The following PPM1L variants were observed in gnomAD, a reference collection of about 807,000 sequenced individuals.
The protein encoded by PPM1L is protein phosphatase 1L.
PPM1L carries 13 observed loss-of-function variants against 31.4 expected under a neutral mutation model. The ratio of observed to expected loss-of-function variants is 0.41; its 90% CI spans 0.27 to 0.66. The LOEUF (loss-of-function observed/expected upper bound fraction) is 0.66, where lower values mean the gene tolerates loss of function less well. PPM1L is among the 30% of genes least tolerant of loss of function. The pLI, the probability that PPM1L is intolerant of heterozygous loss-of-function variation, is 0.29. For missense variants in PPM1L, 326 were observed against 453.7 expected, an observed-to-expected ratio of 0.72 and a Z score of 2.56; for synonymous variants, 184 against 175.4, an observed-to-expected ratio of 1.05 and a Z score of -0.39.
chr3:160,874,736 A>G (rs1163375117), intron 1 of PPM1L, among the ~76,000 whole-genome samples: 3 of 151,990 alleles, frequency 2.0e-5, no homozygotes, highest in African/African-American at 4.8e-5. Flanking sequence ...AGGTGATACA[A>G]CCTCCTCCTG....
chr3:160,865,446 C>T (rs1181816187), intron 1 of PPM1L, among the ~76,000 whole-genome samples: 1 of 151,970 alleles, frequency 6.6e-6, no homozygotes, highest in Non-Finnish European at 1.5e-5. Flanking sequence ...TAGTAATTAG[C>T]CCCTTTGGGT....
intron 1 of PPM1L, among the ~76,000 whole-genome samples, chr3:160,867,555 A>G (rs1028657005): frequency 2.0e-5 from 3 of 151,636 alleles, no homozygotes; most frequent in African/African-American, 4.8e-5. Context: ...CTTTTTCCTT[A>G]TATGCTTAAA....
chr3:160,871,877 T>C (rs1286481864), intron 1 of PPM1L, among the ~76,000 whole-genome samples: 1 of 152,218 alleles, frequency 6.6e-6, no homozygotes, highest in Non-Finnish European at 1.5e-5. Context: ...GTAATTCAAG[T>C]AGCATAATTA....
intron 1 of PPM1L, among the ~76,000 whole-genome samples, chr3:160,883,635 C>G (rs1712800080): frequency 6.6e-6 from 1 of 151,886 alleles, no homozygotes; most frequent in Admixed American, 6.6e-5. Flanking sequence ...TAGGAGATGA[C>G]TTAGGTCCTT....
intron 1 of PPM1L, among the ~76,000 whole-genome samples, chr3:160,944,017 TGC>T (rs1715244309): frequency 1.3e-5 from 2 of 152,218 alleles, no homozygotes; most frequent in Non-Finnish European, 1.5e-5. Context: ...ATCTGGAACT[TGC>T]TTGTTGCAAC....
At chr3:160,806,157 T>C (rs1335425212) in intron 1 of PPM1L, among the ~76,000 whole-genome samples, 1 of 152,218 alleles carries the variant, frequency 6.6e-6, no homozygotes, top group Non-Finnish European at 1.5e-5. Context: ...GTCTGCCTTA[T>C]CTGTAGAACA....
At chr3:160,898,797 T>A (rs1470780250) in intron 1 of PPM1L, among the ~76,000 whole-genome samples, 1 of 152,214 alleles carries the variant, frequency 6.6e-6, no homozygotes, top group Non-Finnish European at 1.5e-5. Flanking sequence ...TCAGGCTCCC[T>A]GCTCAACGTT....
intron 2 of PPM1L, among the ~76,000 whole-genome samples, chr3:161,012,840 A>G: frequency 6.6e-6 from 1 of 152,064 alleles, no homozygotes; most frequent in Admixed American, 6.6e-5. Context: ...GGTATTTTGT[A>G]TTTCTGTGGG....
At chr3:160,771,083 C>T (rs1715242537) in intron 1 of PPM1L, among the ~76,000 whole-genome samples, 1 of 151,750 alleles carries the variant, frequency 6.6e-6, no homozygotes. Flanking sequence ...AAATTTATTC[C>T]AAAGAATAAA....
chr3:160,897,766 G>GCAGA (rs1267517397), intron 1 of PPM1L, among the ~76,000 whole-genome samples: 3 of 152,216 alleles, frequency 2.0e-5, no homozygotes, highest in Non-Finnish European at 4.4e-5. Flanking sequence ...CAGGGAAATA[G>GCAGA]CAGAGCTAAA....
chr3:160,942,454 C>T (rs1255919616), intron 1 of PPM1L, among the ~76,000 whole-genome samples: 1 of 152,114 alleles, frequency 6.6e-6, no homozygotes, highest in Admixed American at 6.5e-5. Flanking sequence ...TAAAAAGATA[C>T]GTGTTATTAA....
rs184226534 is a variant in PPM1L at position 161,058,331 on chromosome 3, G to C, written c.575-7072G>C. On this transcript the variant is annotated intron_variant, in intron 2 of 3. Transcript: ENST00000498165. ...GTAGAGATGGGGTTTCACCATGTTG[G>C]CCAGGCTGGTCTCGAACTCCTAACC... Among the ~76,000 whole-genome samples the C allele has an allele frequency of 1.8e-3, 268 of 151,232 alleles. 2 individuals carry two copies. Among genetic ancestry groups the C allele is most frequent in the African/African-American group, 5.7e-3 (237 of 41,298 alleles).
chr3:160,823,336 G>A (rs1316513137), intron 1 of PPM1L, among the ~76,000 whole-genome samples: 5 of 149,194 alleles, frequency 3.4e-5, no homozygotes, highest in Non-Finnish European at 1.5e-5. Context: ...ATAATGTTAA[G>A]TTTCTTAATA....
intron 1 of PPM1L, among the ~76,000 whole-genome samples, chr3:160,813,616 A>G (rs529373643): frequency 6.6e-6 from 1 of 152,326 alleles, no homozygotes; most frequent in African/African-American, 2.4e-5. Context: ...CTGGGATTAC[A>G]GGTGTGGGCC....
intron 1 of PPM1L, among the ~76,000 whole-genome samples, chr3:160,784,539 A>G (rs910366552): frequency 3.9e-5 from 6 of 152,244 alleles, no homozygotes; most frequent in African/African-American, 9.6e-5. Flanking sequence ...CGGGTTACCC[A>G]TACTGCTTTT....
rs759924369 is a variant in PPM1L at position 160,916,839 on chromosome 3, G to A, written c.400-44897G>A. On this transcript the variant is annotated intron_variant, in intron 1 of 3. Coordinates refer to ENST00000498165, the MANE Select transcript of PPM1L (RefSeq NM_139245.4). ...CCATGGAGCTTATTGGTGGAGTCAG[G>A]CCCTCCAAATAGGAAAGAAAAGAGA... 6.6e-5 allele frequency among the ~76,000 whole-genome samples: 10 copies of A among 152,168 alleles called. No individual in the cohort carries two copies. The South Asian group carries it at 1.7e-3, about 25-fold the overall frequency.
intron 1 of PPM1L, among the ~76,000 whole-genome samples, chr3:160,879,914 A>G (rs971282980): frequency 2.0e-5 from 3 of 152,176 alleles, no homozygotes; most frequent in African/African-American, 7.2e-5. Flanking sequence ...GGTCTGCAGT[A>G]TGATTGCCGT....
Position 160,758,858 on chromosome 3 carries a change from G to A in PPM1L, c.399+2151G>A, listed in dbSNP as rs145261476. Among the ~76,000 whole-genome samples, 82 of 152,224 alleles carry A rather than the reference G, an allele frequency of 5.4e-4. No individual in the cohort carries two copies. The East Asian group carries it at 0.012, about 21-fold the overall frequency. ...TTTTCTTTGTGCCTTACATTAAAAA[G>A]CATGCTGTTTGCAAAATAATTGATA... On this transcript the variant is annotated intron_variant, in intron 1 of 3. Coordinates refer to ENST00000498165, the MANE Select transcript of PPM1L (RefSeq NM_139245.4).
intron 1 of PPM1L, among the ~76,000 whole-genome samples, chr3:160,955,343 T>G (rs1715735120): frequency 6.6e-6 from 1 of 152,054 alleles, no homozygotes; most frequent in Non-Finnish European, 1.5e-5. Context: ...AAATTGGTCT[T>G]TAAATTCTAC....
Sources: gnomAD v4.1 joint callset for allele counts (sites outside exome capture counted in the v4.1 genomes callset) on GRCh38, gnomAD v4.1.1 for gene constraint, MANE v1.5 for transcripts, NCBI Gene and HGNC (gene_info 2026-07-23, HGNC 2026-07-21) for gene names.